NEMP2: variants seen among roughly 807,000 people sequenced by gnomAD.
The protein encoded by NEMP2 is nuclear envelope integral membrane protein 2, also known as UPF0571 transmembrane protein.
NEMP2 carries 53 observed loss-of-function variants against 54.2 expected under a neutral mutation model. The ratio of observed to expected loss-of-function variants is 0.98; its 90% CI spans 0.78 to 1.23. NEMP2 has a LOEUF of 1.23. Ranked by LOEUF, NEMP2 falls within the 50% of genes most tolerant of loss-of-function variation. The pLI, the probability that NEMP2 is intolerant of heterozygous loss-of-function variation, is 0.00. For synonymous variants in NEMP2, 197 were observed against 190.3 expected (o/e 1.04, Z -0.29); for missense variants, 455 against 511.3 (o/e 0.89, Z 1.06).
the NEMP2 span, among the ~76,000 whole-genome samples, chr2:190,450,678 A>G: frequency 1.3e-5 from 2 of 151,462 alleles, no homozygotes; most frequent in African/African-American, 4.8e-5. Context: ...TTTTTTGTAG[A>G]GACGAGGTTT....
upstream of NEMP2, among the ~76,000 whole-genome samples, chr2:190,536,719 CTG>C (rs1301960779): frequency 7.2e-5 from 11 of 152,290 alleles, no homozygotes; most frequent in Admixed American, 4.6e-4. Context: ...GTGAGGGACA[CTG>C]AGAAAAACTC....
the NEMP2 span, among the ~76,000 whole-genome samples, chr2:190,586,327 G>A: frequency 9.9e-5 from 15 of 152,156 alleles, no homozygotes; most frequent in East Asian, 3.9e-4. The surrounding 1 kb of genome is among the most constrained non-coding windows in gnomAD (Gnocchi z 4.5). Flanking sequence ...AGTCAGTTTC[G>A]TTTTGGTTTT....
chr2:190,480,424 A>G, the NEMP2 span, among the ~76,000 whole-genome samples: 1 of 152,232 alleles, frequency 6.6e-6, no homozygotes, highest in Non-Finnish European at 1.5e-5. Flanking sequence ...ATGATATAAG[A>G]AATTCTATCT....
At chr2:190,606,091 G>A in the NEMP2 span, among the ~76,000 whole-genome samples, 9 of 152,320 alleles carry the variant, frequency 5.9e-5, no homozygotes, top group Non-Finnish European at 1.5e-5. Context: ...TTGCGCTTGT[G>A]ATTTAAATAC....
At chr2:190,481,662 G>A in the NEMP2 span, among the ~76,000 whole-genome samples, 1 of 152,208 alleles carries the variant, frequency 6.6e-6, no homozygotes, top group African/African-American at 2.4e-5. Flanking sequence ...TATTTTCAAA[G>A]CCTAGCAGGC....
chr2:190,599,725 C>T, the NEMP2 span, among the ~76,000 whole-genome samples: 35,492 of 152,016 alleles, frequency 0.23, 5,231 homozygotes, highest in Non-Finnish European at 0.33. Context: ...CGCTATGCAT[C>T]GAAACTACAC....
In NEMP2 at chr2:190,513,689, C is replaced by T. The variant is rs1265579165; in HGVS notation, c.953+764G>A. ...GGGCTTTCTCTCCATCAGGAAAGCC[C>T]TCCGCATTTATTCGTCTGGTTATTT... On this transcript the variant is annotated intron_variant, in intron 7 of 8. Coordinates refer to ENST00000409150, the MANE Select transcript of NEMP2 (RefSeq NM_001142645.2). The surrounding 1 kb of genome is among the most constrained non-coding windows in gnomAD (Gnocchi z 5.3). 6.6e-6 allele frequency among the ~76,000 whole-genome samples: 1 copy of T among 152,216 alleles called. No individual in the cohort carries two copies. The highest frequency in any genetic ancestry group is 1.5e-5 in the Non-Finnish European group (1 of 68,034).
At chr2:190,588,609 C>T in the NEMP2 span, among the ~76,000 whole-genome samples, 1 of 152,128 alleles carries the variant, frequency 6.6e-6, no homozygotes, top group Non-Finnish European at 1.5e-5. The surrounding 1 kb of genome is among the most constrained non-coding windows in gnomAD (Gnocchi z 5.0). Context: ...CTAGCCTGAC[C>T]TTGTGGATGG....
chr2:190,437,184 T>C, the NEMP2 span: 1 of 1,614,230 alleles, frequency 6.2e-7, no homozygotes, highest in East Asian at 2.2e-5. The surrounding 1 kb of genome is among the most constrained non-coding windows in gnomAD (Gnocchi z 5.9). Context: ...CCTTGATCGT[T>C]GCCACTCAGT....
chr2:190,422,143 T>C, the NEMP2 span, among the ~76,000 whole-genome samples: 1 of 152,262 alleles, frequency 6.6e-6, no homozygotes, highest in Non-Finnish European at 1.5e-5. Flanking sequence ...GTTCTGTTTA[T>C]TTAACTTTCT....
At chr2:190,480,615 C>T in the NEMP2 span, among the ~76,000 whole-genome samples, 1 of 152,082 alleles carries the variant, frequency 6.6e-6, no homozygotes. Context: ...GGCAGATTAC[C>T]AAAATATGCA....
chr2:190,485,329 A>G, the NEMP2 span, among the ~76,000 whole-genome samples: 1 of 152,192 alleles, frequency 6.6e-6, no homozygotes, highest in South Asian at 2.1e-4. The surrounding 1 kb of genome is among the most constrained non-coding windows in gnomAD (Gnocchi z 5.1). Context: ...AAATCCTGCA[A>G]TTGATTGCTT....
chr2:190,539,348 A>G (rs372823685), upstream of NEMP2, among the ~76,000 whole-genome samples: 43 of 152,252 alleles, frequency 2.8e-4, no homozygotes, highest in East Asian at 3.9e-3. This position sits in a 1 kb window ranked among gnomAD's most constrained non-coding sequence, Gnocchi z 4.1. Flanking sequence ...TTTGGTTACT[A>G]TAGCTTTGTA....
chr2:190,514,711 T>C lies in NEMP2; in HGVS notation c.728-33A>G. 2 of 1,533,524 alleles carry C rather than the reference T, an allele frequency of 1.3e-6. No homozygotes were observed. The highest frequency in any genetic ancestry group is 2.5e-5 in the East Asian group (1 of 40,766). 95.0% of individuals were successfully genotyped at this position (1,533,524 alleles called of 1,614,324 possible). ...AGTGGAAGAGGTAAAATAATATAAA[T>C]TTGAATTTGAGACATTATGTGAAAA... On this transcript the variant is annotated intron_variant, in intron 6 of 8. Coordinates refer to ENST00000409150, the MANE Select transcript of NEMP2 (RefSeq NM_001142645.2). The surrounding 1 kb of genome is among the most constrained non-coding windows in gnomAD (Gnocchi z 5.7).
At chr2:190,566,748 A>G in the NEMP2 span, among the ~76,000 whole-genome samples, 7 of 151,146 alleles carry the variant, frequency 4.6e-5, no homozygotes, top group Admixed American at 1.3e-4. Context: ...GAAAAGAAAA[A>G]AAAAGAAAGG....
chr2:190,422,301 C>T, the NEMP2 span, among the ~76,000 whole-genome samples: 4 of 152,274 alleles, frequency 2.6e-5, no homozygotes, highest in African/African-American at 9.6e-5. Context: ...AGACTGGTTG[C>T]CCTTCAAAGT....
the NEMP2 span, among the ~76,000 whole-genome samples, chr2:190,451,934 C>G: frequency 6.6e-6 from 1 of 152,174 alleles, no homozygotes; most frequent in African/African-American, 2.4e-5. The surrounding 1 kb of genome is among the most constrained non-coding windows in gnomAD (Gnocchi z 5.0). Context: ...TTATCTCACC[C>G]TACTTTACAA....
the NEMP2 span, among the ~76,000 whole-genome samples, chr2:190,434,130 A>G: frequency 9.3e-5 from 14 of 151,162 alleles, no homozygotes; most frequent in Admixed American, 9.2e-4. The surrounding 1 kb of genome is among the most constrained non-coding windows in gnomAD (Gnocchi z 4.3). Context: ...CTGCAGTGCC[A>G]TAATTACACC....
chr2:190,478,019 G>T, the NEMP2 span, among the ~76,000 whole-genome samples: 2 of 152,170 alleles, frequency 1.3e-5, no homozygotes, highest in African/African-American at 4.8e-5. Context: ...TGGTGTGCCG[G>T]GGCTAGGGCT....
Sources: gnomAD v4.1 joint callset for allele counts (sites outside exome capture counted in the v4.1 genomes callset) on GRCh38, gnomAD v4.1.1 for gene constraint, Gnocchi (gnomAD v3.1) non-coding constraint, MANE v1.5 for transcripts, NCBI Gene and HGNC (gene_info 2026-07-23, HGNC 2026-07-21) for gene names.